CYP20A1: variants seen among roughly 807,000 people sequenced by gnomAD.
CYP20A1 encodes the protein cytochrome P450 20A1.
Under a neutral mutation model 61.4 loss-of-function variants are expected in CYP20A1, and 61 were observed. The ratio of observed to expected loss-of-function variants is 0.99; its 90% CI spans 0.81 to 1.23. CYP20A1 has a LOEUF of 1.23. CYP20A1 is among the 50% of genes most tolerant of loss of function. The pLI is 0.00. For synonymous variants in CYP20A1, 193 were observed against 188.2 expected, an observed-to-expected ratio of 1.03 and a Z score of -0.21; for missense variants, 530 against 542.4, an observed-to-expected ratio of 0.98 and a Z score of 0.23.
chr2:203,304,555 C>G lies in CYP20A1; in HGVS notation c.*7647C>G, dbSNP rs2069149485. Among the ~76,000 whole-genome samples the G allele has an allele frequency of 6.6e-6, 1 of 152,158 alleles. No individual in the cohort carries two copies. ...TACCAACCTAAACACATTTCTGTGA[C>G]TGTTTATATTTTTCCCTGTTCCACA... On this transcript the variant is annotated 3_prime_UTR_variant, in exon 13 of 13. Coordinates refer to ENST00000356079, the MANE Select transcript of CYP20A1 (RefSeq NM_177538.3).
chr2:203,288,891 TC>T (rs2068414448), intron 9 of CYP20A1, among the ~76,000 whole-genome samples: 1 of 152,186 alleles, frequency 6.6e-6, no homozygotes, highest in Non-Finnish European at 1.5e-5. Flanking sequence ...CCCATGGGTT[TC>T]TTGTAAGGAT....
At chr2:203,248,502 C>G (rs182363911) in intron 3 of CYP20A1, among the ~76,000 whole-genome samples, 1 of 152,098 alleles carries the variant, frequency 6.6e-6, no homozygotes, top group Non-Finnish European at 1.5e-5. Context: ...CCACTGCGCT[C>G]CAGCCTGGGT....
At chr2:203,249,130 A>G (rs560558456) in intron 3 of CYP20A1, among the ~76,000 whole-genome samples, 1 of 152,382 alleles carries the variant, frequency 6.6e-6, no homozygotes, top group South Asian at 2.1e-4. Flanking sequence ...GAGAATGTAG[A>G]TAAACCTCTT....
At chr2:203,275,460 A>T (rs1392598495) in intron 6 of CYP20A1, among the ~76,000 whole-genome samples, 2 of 151,210 alleles carry the variant, frequency 1.3e-5, no homozygotes, top group Admixed American at 1.3e-4. Context: ...TTTGAGACTG[A>T]ATCTCGCTCT....
At chr2:203,246,636 T>G in intron 2 of CYP20A1, 119 bp from the exon 3 acceptor site, 1 of 1,039,456 alleles carries the variant, frequency 9.6e-7, no homozygotes, top group Non-Finnish European at 1.4e-6. Flanking sequence ...TTTGCAGTAA[T>G]TTGAATTTCA....
chr2:203,251,900 G>A, intron 3 of CYP20A1, 67 bp from the exon 4 acceptor site: 3 of 1,257,482 alleles, frequency 2.4e-6, no homozygotes, highest in South Asian at 2.5e-5. Flanking sequence ...CTGATCTCTT[G>A]TTCTCTTACA....
intron 8 of CYP20A1, among the ~76,000 whole-genome samples, chr2:203,285,057 G>T (rs2068209472): frequency 6.6e-6 from 1 of 152,004 alleles, no homozygotes; most frequent in Non-Finnish European, 1.5e-5. Context: ...TGGGGTTACA[G>T]GTGTGAGCCA....
At chr2:203,257,965 A>C (rs541758148) in intron 4 of CYP20A1, among the ~76,000 whole-genome samples, 8 of 152,190 alleles carry the variant, frequency 5.3e-5, no homozygotes, top group Non-Finnish European at 5.9e-5. Context: ...GCAGTGGCAC[A>C]ATTATAGCTC....
At chr2:203,255,648 G>A (rs950977339) in intron 4 of CYP20A1, among the ~76,000 whole-genome samples, 3 of 152,134 alleles carry the variant, frequency 2.0e-5, no homozygotes, top group African/African-American at 7.2e-5. Context: ...CTTTGTTCTT[G>A]GGACAAACTC....
At chr2:203,259,310 G>A (rs2067037422) in intron 4 of CYP20A1, among the ~76,000 whole-genome samples, 1 of 152,140 alleles carries the variant, frequency 6.6e-6, no homozygotes, top group Non-Finnish European at 1.5e-5. Flanking sequence ...TTGTCCCTGC[G>A]CAAATCTCAT....
chr2:203,280,093 G>T lies in CYP20A1; in HGVS notation c.830G>T (p.Ser277Ile). ...GACAGTATGATATTTTCTCTGGCCAGTTGCATAATAACTGCAAAATGTAAG... is the reference window on the plus strand; with the variant it reads ...GACAGTATGATATTTTCTCTGGCCATTTGCATAATAACTGCAAAATGTAAG... ...LEDSMIFSLASCIITAKLCTW... is the reference protein window; with the variant it reads ...LEDSMIFSLAICIITAKLCTW... Residue 277 changes from serine (S) to isoleucine (I), a missense_variant, in exon 8 of 13, where the codon AGT (serine) becomes ATT (isoleucine). Ser to Ile is a moderately radical substitution (Grantham distance 142). Coordinates refer to ENST00000356079, the MANE Select transcript of CYP20A1 (RefSeq NM_177538.3). 1.2e-5 allele frequency: 19 copies of T among 1,607,090 alleles called. No homozygotes were observed. The highest frequency in any genetic ancestry group is 1.6e-5 in the Non-Finnish European group (19 of 1,177,322).
At chr2:203,271,309 T>C (rs7597831) in intron 5 of CYP20A1, among the ~76,000 whole-genome samples, 150,376 of 151,020 alleles carry the variant, frequency 1, 74,869 homozygotes, top group East Asian at 1. Context: ...AGGATGGTCT[T>C]GAACTCCTGA....
chr2:203,246,870 A>C lies in CYP20A1; in HGVS notation c.238A>C (p.Ser80Arg), dbSNP rs1293143596. Residue 80 changes from serine (S) to arginine (R), a missense_variant, in exon 3 of 13, where the codon AGT becomes CGT. By Grantham distance (110) the Ser-to-Arg change is moderately radical. Transcript: ENST00000356079. The stretch of plus-strand genomic sequence containing the variant: ...CTGGTTTGGCAGGCGCCTCGTGGTT[A>C]GTTTGGGCACTGTTGATGTACTGAA... ...SFWFGRRLVV[S>R]LGTVDVLKQH... 1 of 1,614,178 alleles carries C rather than the reference A, an allele frequency of 6.2e-7. No individual in the cohort carries two copies. Among genetic ancestry groups the C allele is most frequent in the Non-Finnish European group, 8.5e-7 (1 of 1,180,038 alleles).
At position 203,302,939 on chromosome 2, in the gene CYP20A1, A is replaced by G. The variant is rs1325750797; in HGVS notation, c.*6031A>G. 6.6e-6 allele frequency among the ~76,000 whole-genome samples: 1 copy of G among 151,524 alleles called. No individual in the cohort carries two copies. Among genetic ancestry groups the G allele is most frequent in the Non-Finnish European group, 1.5e-5 (1 of 67,894 alleles). On this transcript the variant is annotated 3_prime_UTR_variant, in exon 13 of 13. Coordinates refer to ENST00000356079, the MANE Select transcript of CYP20A1 (RefSeq NM_177538.3). ...AACTCTTGACCTTGTGATCTGCCCA[A>G]CTCAGCCTCCCAGAGTGCTGGGATT...
intron 4 of CYP20A1, among the ~76,000 whole-genome samples, chr2:203,264,891 G>C (rs559375236): frequency 1.3e-5 from 2 of 151,880 alleles, no homozygotes; most frequent in Admixed American, 6.6e-5. Flanking sequence ...CACCACACCC[G>C]GCTAATTTTT....
rs1329598807 is a variant in CYP20A1 at position 203,271,060 on chromosome 2, A to G, written c.601-1610A>G. ...TATATATATATGTATATGTGTATAT[A>G]TATATATATATATATATATATATTT... On this transcript the variant is annotated intron_variant, in intron 5 of 12. Transcript: ENST00000356079. Among the ~76,000 whole-genome samples the G allele has an allele frequency of 1.9e-3, 94 of 49,052 alleles. 2 individuals carry two copies. Among genetic ancestry groups the G allele is most frequent in the East Asian group, 5.6e-3 (18 of 3,194 alleles). 32.2% of individuals were successfully genotyped at this position (49,052 alleles called of 152,430 possible).
chr2:203,291,839 C>T (rs1051276417), intron 10 of CYP20A1, among the ~76,000 whole-genome samples: 7 of 152,156 alleles, frequency 4.6e-5, no homozygotes, highest in African/African-American at 1.7e-4. Flanking sequence ...TCCCTCCACG[C>T]CACAACAGGC....
chr2:203,293,043 G>A lies in CYP20A1; in HGVS notation c.1148+717G>A, dbSNP rs536102845. The stretch of plus-strand genomic sequence containing the variant: ...ACAAAAATTAGCTGGGCATGGTGGC[G>A]CATGCCTGTAATGCCAGCTACTCGG... On this transcript the variant is annotated intron_variant, in intron 11 of 12. Transcript: ENST00000356079. 4.6e-5 allele frequency among the ~76,000 whole-genome samples: 7 copies of A among 151,090 alleles called. No individual in the cohort carries two copies. In the South Asian group the frequency reaches 6.3e-4, roughly 14 times the overall value.
At chr2:203,253,337 C>T (rs6761475) in intron 4 of CYP20A1, among the ~76,000 whole-genome samples, 135,984 of 152,204 alleles carry the variant, frequency 0.89, 61,607 homozygotes, top group Non-Finnish European at 0.96. Context: ...GAAGTTCTCC[C>T]GGCAGTGCCT....
Sources: allele counts gnomAD v4.1 joint callset (sites outside exome capture counted in the v4.1 genomes callset), GRCh38; gene constraint gnomAD v4.1.1; transcripts MANE v1.5; gene names NCBI Gene and HGNC (gene_info 2026-07-23, HGNC 2026-07-21).